EYS: variants seen among roughly 807,000 people sequenced by gnomAD.
EYS encodes EGF-like photoreceptor maintenance factor, also known as protein eyes shut homolog.
A neutral mutation model predicts 282.1 loss-of-function variants in EYS; 250 were observed. The observed-to-expected ratio is 0.89, with a 90% CI of 0.80 to 0.98. The LOEUF (loss-of-function observed/expected upper bound fraction) is 0.98. Among genes scored for constraint, EYS ranks in the 50% least tolerant of loss-of-function variants. EYS has a pLI of 0.00. For synonymous variants in EYS, 1,355 were observed against 1,282.9 expected (o/e 1.06, Z -1.20); for missense variants, 4,016 against 3,709.0 (o/e 1.08, Z -2.15).
intron 36 of EYS, among the ~76,000 whole-genome samples, chr6:63,830,737 G>A (rs1771608136): frequency 6.6e-6 from 1 of 152,174 alleles, no homozygotes; most frequent in Non-Finnish European, 1.5e-5. Flanking sequence ...TACTCCTTGA[G>A]AAGAGCAACT....
At chr6:64,822,574 C>A (rs1764930977) in intron 20 of EYS, 77 bp downstream of exon 20, 8 of 1,184,760 alleles carry the variant, frequency 6.8e-6, no homozygotes, top group Admixed American at 6.2e-5. Context: ...TCTTTATCAA[C>A]TTTCCCTTGA....
intron 31 of EYS, among the ~76,000 whole-genome samples, chr6:64,103,151 A>G (rs1290479625): frequency 6.6e-6 from 1 of 152,202 alleles, no homozygotes; most frequent in Non-Finnish European, 1.5e-5. Flanking sequence ...TAGAGGAAGA[A>G]TATACTGCAA....
At chr6:65,343,265 G>A (rs574856508) in intron 10 of EYS, among the ~76,000 whole-genome samples, 13 of 151,182 alleles carry the variant, frequency 8.6e-5, no homozygotes, top group Admixed American at 6.6e-4. Context: ...TAAAGAAAAG[G>A]GCTTATGAGT....
At chr6:65,543,654 A>G (rs2127324110) in intron 2 of EYS, among the ~76,000 whole-genome samples, 1 of 152,120 alleles carries the variant, frequency 6.6e-6, no homozygotes, top group African/African-American at 2.4e-5. Context: ...TCTTCTCCCT[A>G]TGATTTAAAA....
intron 42 of EYS, among the ~76,000 whole-genome samples, chr6:63,726,278 G>C (rs1479613484): frequency 2.0e-5 from 3 of 152,068 alleles, no homozygotes; most frequent in Non-Finnish European, 2.9e-5. Context: ...TGATGGTATT[G>C]TTTTTAAGTT....
At chr6:64,186,739 C>T (rs1237317477) in intron 31 of EYS, among the ~76,000 whole-genome samples, 1 of 152,110 alleles carries the variant, frequency 6.6e-6, no homozygotes, top group East Asian at 1.9e-4. Context: ...GGTGTTGGTT[C>T]TCTCAGAGGA....
chr6:65,443,707 CATAT>C (rs1768532520), intron 5 of EYS, among the ~76,000 whole-genome samples: 1 of 54,120 alleles, frequency 1.8e-5, no homozygotes, highest in Non-Finnish European at 4.4e-5. Flanking sequence ...CACATATGTG[CATAT>C]ACACATATAT....
intron 11 of EYS, chr6:65,329,706 C>A: frequency 2.0e-6 from 2 of 978,000 alleles, no homozygotes; most frequent in East Asian, 1.1e-4. Context: ...ACGGACATCA[C>A]GGCAGAAATT....
At chr6:65,179,926 C>T (rs1202484935) in intron 12 of EYS, among the ~76,000 whole-genome samples, 1 of 152,030 alleles carries the variant, frequency 6.6e-6, no homozygotes, top group African/African-American at 2.4e-5. Flanking sequence ...AAATGTAATC[C>T]AGCATATAAA....
intron 22 of EYS, among the ~76,000 whole-genome samples, chr6:64,803,054 C>T (rs1213473820): frequency 6.6e-6 from 1 of 152,110 alleles, no homozygotes; most frequent in Non-Finnish European, 1.5e-5. Context: ...CACATCTGGA[C>T]GAGGGGAATG....
chr6:65,246,504 T>A (rs1767183621), intron 12 of EYS, among the ~76,000 whole-genome samples: 1 of 152,118 alleles, frequency 6.6e-6, no homozygotes, highest in African/African-American at 2.4e-5. Flanking sequence ...TAATTTTCTA[T>A]CCATTATTAC....
chr6:65,319,338 T>C (rs2150304366), intron 11 of EYS, among the ~76,000 whole-genome samples: 1 of 148,768 alleles, frequency 6.7e-6, no homozygotes, highest in African/African-American at 2.5e-5. Flanking sequence ...CAAGATCACA[T>C]CACCACACTC....
intron 22 of EYS, among the ~76,000 whole-genome samples, chr6:64,739,728 T>G (rs12661888): frequency 6.6e-6 from 1 of 152,060 alleles, no homozygotes; most frequent in South Asian, 2.1e-4. Flanking sequence ...CACAAAATTC[T>G]GTAAGGACCT....
chr6:64,784,208 T>G (rs564900757), intron 22 of EYS, among the ~76,000 whole-genome samples: 16 of 152,204 alleles, frequency 1.1e-4, no homozygotes, highest in African/African-American at 3.8e-4. Context: ...TTTTTGTTTC[T>G]GTAAATTTGT....
intron 36 of EYS, among the ~76,000 whole-genome samples, chr6:63,856,933 T>C (rs935288403): frequency 3.3e-5 from 5 of 152,166 alleles, no homozygotes; most frequent in Non-Finnish European, 7.4e-5. Flanking sequence ...ATAAAACATA[T>C]TGAAATATGT....
intron 8 of EYS, among the ~76,000 whole-genome samples, chr6:65,366,370 C>T (rs1320065313): frequency 7.6e-6 from 1 of 132,164 alleles, no homozygotes; most frequent in Non-Finnish European, 1.7e-5. Context: ...AACTAAACAT[C>T]TTGCTGCTTT....
At chr6:64,210,165 G>T (rs1049923310) in intron 31 of EYS, among the ~76,000 whole-genome samples, 16 of 152,126 alleles carry the variant, frequency 1.1e-4, no homozygotes, top group African/African-American at 3.1e-4. Flanking sequence ...ATTTTTAAAA[G>T]ACAGCTTCAT....
intron 31 of EYS, among the ~76,000 whole-genome samples, chr6:64,119,018 GACT>G (rs889533003): frequency 6.6e-6 from 1 of 152,128 alleles, no homozygotes; most frequent in South Asian, 2.1e-4. Flanking sequence ...CAGTTAGAAT[GACT>G]ACTAACAAAA....
In EYS at chr6:64,093,461, G is replaced by A. The variant is rs1288031351; in HGVS notation, c.6425-11459C>T. ...GTGGTTTGTAGTTCTCCTTGAAGAG[G>A]TCCTTCACATCCCTTGTCAGTTGGA... On this transcript the variant is annotated intron_variant, in intron 31 of 42. Coordinates refer to ENST00000503581, the MANE Select transcript of EYS (RefSeq NM_001142800.2). Among the ~76,000 whole-genome samples the A allele has an allele frequency of 2.6e-5, 4 of 152,210 alleles. No homozygotes were observed. The South Asian group carries it at 8.3e-4, about 32-fold the overall frequency.
Sources: gnomAD v4.1 joint callset for allele counts (sites outside exome capture counted in the v4.1 genomes callset) on GRCh38, gnomAD v4.1.1 for gene constraint, MANE v1.5 for transcripts, NCBI Gene and HGNC (gene_info 2026-07-23, HGNC 2026-07-21) for gene names.